Variants in SHOC1 observed in about 807,000 individuals in gnomAD.
SHOC1 encodes shortage in chiasmata 1, also known as protein shortage in chiasmata 1 ortholog.
A neutral mutation model predicts 179.2 loss-of-function variants in SHOC1; 136 were observed. The observed-to-expected ratio is 0.76, with a 90% CI of 0.66 to 0.87. The LOEUF is 0.87. SHOC1 is among the 40% of genes least tolerant of loss of function. The pLI is 0.00. For synonymous variants in SHOC1, 489 were observed against 586.6 expected, an observed-to-expected ratio of 0.83 and a Z score of 2.41; for missense variants, 1,538 against 1,700.8, an observed-to-expected ratio of 0.90 and a Z score of 1.68.
At chr9:111,689,351 T>TA (rs1564099025) in intron 27 of SHOC1, among the ~76,000 whole-genome samples, 94 of 143,112 alleles carry the variant, frequency 6.6e-4, no homozygotes, top group South Asian at 4.1e-3. Flanking sequence ...TAATAATAAT[T>TA]ATTATTATTA....
chr9:111,781,470 C>T (rs1488098030), intron 3 of SHOC1, among the ~76,000 whole-genome samples: 3 of 152,216 alleles, frequency 2.0e-5, no homozygotes, highest in African/African-American at 7.2e-5. Context: ...TGCCTGTAAT[C>T]CCAGCTCTTT....
intron 10 of SHOC1, among the ~76,000 whole-genome samples, chr9:111,744,005 G>GT (rs1334157777): frequency 2.0e-5 from 3 of 152,098 alleles, no homozygotes; most frequent in Non-Finnish European, 4.4e-5. Flanking sequence ...TTGCCAAATC[G>GT]TAAGTCATTA....
intron 4 of SHOC1, among the ~76,000 whole-genome samples, chr9:111,779,668 G>A (rs1261812510): frequency 1.3e-5 from 2 of 151,986 alleles, no homozygotes; most frequent in Non-Finnish European, 2.9e-5. Context: ...CTTAGAGATC[G>A]TCTCGCATCT....
At chr9:111,789,427 T>C (rs1836375504) in intron 2 of SHOC1, among the ~76,000 whole-genome samples, 1 of 152,240 alleles carries the variant, frequency 6.6e-6, no homozygotes, top group South Asian at 2.1e-4. Flanking sequence ...ATACTACTCA[T>C]TGCTTCACCT....
At chr9:111,737,155 T>C (rs1419690650) in intron 12 of SHOC1, among the ~76,000 whole-genome samples, 2 of 152,136 alleles carry the variant, frequency 1.3e-5, no homozygotes, top group African/African-American at 4.8e-5. Context: ...TGTTTGGAGA[T>C]TTATCAAAGA....
intron 19 of SHOC1, among the ~76,000 whole-genome samples, chr9:111,707,601 A>G (rs914770504): frequency 7.9e-5 from 12 of 152,160 alleles, no homozygotes; most frequent in African/African-American, 2.9e-4. Flanking sequence ...CTGTACTACA[A>G]TAACAATATT....
At chr9:111,739,429 G>A (rs913949356) in intron 11 of SHOC1, among the ~76,000 whole-genome samples, 1 of 152,024 alleles carries the variant, frequency 6.6e-6, no homozygotes, top group African/African-American at 2.4e-5. Context: ...TCCCTCCGAA[G>A]TTTTGTATCC....
chr9:111,699,748 A>C lies in SHOC1; in HGVS notation c.3183+206T>G, dbSNP rs534545712. The stretch of plus-strand genomic sequence containing the variant: ...ACATCTGAGTAGTAATAAAGAGAAG[A>C]AACATGATTTTAAATTCATTAAATT... On this transcript the variant is annotated intron_variant, in intron 24 of 27. Transcript: ENST00000682961. Among the ~76,000 whole-genome samples the C allele has an allele frequency of 1.2e-4, 18 of 152,356 alleles. No homozygotes were observed. The South Asian group carries it at 3.5e-3, about 30-fold the overall frequency.
chr9:111,695,585 C>A (rs183129921), intron 24 of SHOC1, among the ~76,000 whole-genome samples: 1 of 151,918 alleles, frequency 6.6e-6, no homozygotes, highest in African/African-American at 2.4e-5. Flanking sequence ...GACTGATTTT[C>A]GATGTGAAAA....
At chr9:111,757,004 T>G (rs1834891769) in intron 7 of SHOC1, among the ~76,000 whole-genome samples, 3 of 151,744 alleles carry the variant, frequency 2.0e-5, no homozygotes, top group African/African-American at 7.3e-5. Context: ...AATTAACCTT[T>G]TTACCATCAT....
At chr9:111,747,642 G>A (rs1030510506) in intron 9 of SHOC1, among the ~76,000 whole-genome samples, 11 of 152,056 alleles carry the variant, frequency 7.2e-5, no homozygotes, top group African/African-American at 2.4e-4. Flanking sequence ...GTGCAGTGGT[G>A]TAATCTCGGC....
At chr9:111,734,134 T>C (rs1235019232) in intron 12 of SHOC1, among the ~76,000 whole-genome samples, 2 of 152,218 alleles carry the variant, frequency 1.3e-5, no homozygotes, top group African/African-American at 4.8e-5. Flanking sequence ...AATTATACTG[T>C]TAAACATTCA....
intron 21 of SHOC1, 23 bp from the exon 22 acceptor site, chr9:111,704,015 G>T (rs567820206): frequency 8.0e-7 from 1 of 1,256,408 alleles, no homozygotes; most frequent in Non-Finnish European, 1.1e-6. Context: ...ATATTCTTGA[G>T]TGAAAAAATG....
intron 2 of SHOC1, among the ~76,000 whole-genome samples, chr9:111,787,673 C>A (rs1836308342): frequency 6.6e-6 from 1 of 152,188 alleles, no homozygotes; most frequent in African/African-American, 2.4e-5. Context: ...TAAATGACAA[C>A]AAAGGATTCA....
rs766514120 is a variant in SHOC1, at chr9:111,723,937, A to G, written c.1835-26T>C. The G allele has an allele frequency of 1.5e-5, 22 of 1,460,556 alleles. 1 individual carries two copies. In the South Asian group the frequency reaches 2.8e-4, roughly 19 times the overall value. 90.5% of individuals were successfully genotyped at this position (1,460,556 alleles called of 1,614,324 possible). A position where few individuals can be genotyped will look rare whatever the true frequency, so the allele number is the denominator to read the frequency against. On this transcript the variant is annotated intron_variant, in intron 13 of 27. Coordinates refer to ENST00000682961, the MANE Select transcript of SHOC1 (RefSeq NM_001378211.1). ...CTTGAAATTCCAATAAAAAATATAA[A>G]TTTTTGTTGTTCAAGAGAAACTTAA...
intron 18 of SHOC1, 147 bp downstream of exon 18, chr9:111,712,953 G>T: frequency 1.8e-6 from 1 of 565,714 alleles, no homozygotes; most frequent in Non-Finnish European, 3.1e-6. Flanking sequence ...TTTAAAAGCT[G>T]GTTAGATCCC....
chr9:111,756,360 T>G lies in SHOC1; in HGVS notation c.827A>C (p.Asn276Thr). The G allele has an allele frequency of 6.2e-7, 1 of 1,607,680 alleles. No homozygotes were observed. The highest frequency in any genetic ancestry group is 8.5e-7 in the Non-Finnish European group (1 of 1,177,882). Residue 276 changes from asparagine (N) to threonine (T), a missense_variant, in exon 8 of 28, where the codon AAC becomes ACC. Asn to Thr is a moderately conservative substitution (Grantham distance 65, BLOSUM62 0). Transcript: ENST00000682961. ...ELLNPVPEII[N>T]YVDEKEKLFE... ...AAGCTTTTCCTTTTCATCTACATAGTTTATTATTTCTGGCACTGGGTTTAA... is the reference window on the plus strand; with the variant it reads ...AAGCTTTTCCTTTTCATCTACATAGGTTATTATTTCTGGCACTGGGTTTAA...
intron 12 of SHOC1, among the ~76,000 whole-genome samples, chr9:111,735,636 G>A (rs1037243155): frequency 6.6e-5 from 10 of 152,032 alleles, no homozygotes; most frequent in African/African-American, 2.4e-4. Context: ...GAATAGTGCC[G>A]CAATGAACAT....
intron 18 of SHOC1, among the ~76,000 whole-genome samples, chr9:111,709,768 CTGAGT>C (rs1397058188): frequency 6.6e-6 from 1 of 152,130 alleles, no homozygotes; most frequent in Non-Finnish European, 1.5e-5. Context: ...AAAAGTGTAA[CTGAGT>C]TATCTGTAAC....
Sources: allele counts gnomAD v4.1 joint callset (sites outside exome capture counted in the v4.1 genomes callset), GRCh38; gene constraint gnomAD v4.1.1; transcripts MANE v1.5; gene names NCBI Gene and HGNC (gene_info 2026-07-23, HGNC 2026-07-21).